CEP68: variants seen among roughly 807,000 people sequenced by gnomAD.
CEP68 encodes centrosomal protein 68, also known as centrosomal protein of 68 kDa.
In CEP68, 26 loss-of-function variants were observed where a neutral mutation model predicts 55.3. That is an observed-to-expected ratio of 0.47 (90% CI 0.34 to 0.65). CEP68 has a LOEUF of 0.65. Ranked by LOEUF, CEP68 falls within the 30% of genes least tolerant of loss-of-function variation. CEP68 has a pLI of 0.01. For synonymous variants in CEP68, 402 were observed against 383.2 expected (o/e 1.05, Z -0.57); for missense variants, 957 against 946.7 (o/e 1.01, Z -0.14).
intron 5 of CEP68, chr2:65,080,199 A>C: frequency 1.0e-6 from 1 of 976,266 alleles, no homozygotes; most frequent in Non-Finnish European, 1.2e-6. Context: ...CAATTTAATA[A>C]TACTTTTCTG....
chr2:65,082,736 T>C (rs748603868), intron 6 of CEP68, 27 bp downstream of exon 6: 12 of 1,513,966 alleles, frequency 7.9e-6, no homozygotes, highest in Non-Finnish European at 1.1e-5. Flanking sequence ...AAAAAGAAAA[T>C]TTGCCCACCA....
intron 5 of CEP68, among the ~76,000 whole-genome samples, chr2:65,081,090 A>C (rs773253174): frequency 7.2e-5 from 11 of 152,080 alleles, no homozygotes; most frequent in Middle Eastern, 3.4e-3. Flanking sequence ...GGGCGCCAGT[A>C]ATTCCAACTA....
At chr2:65,064,676 G>A (rs553375279) in intron 1 of CEP68, among the ~76,000 whole-genome samples, 5 of 151,152 alleles carry the variant, frequency 3.3e-5, no homozygotes, top group Middle Eastern at 3.2e-3. Context: ...GGAGCTTGCA[G>A]TGAGCTGAGA....
At position 65,084,309 on chromosome 2, in the gene CEP68, G is replaced by A. The variant is rs1162291232; in HGVS notation, c.*675G>A. 4 of 152,168 alleles carry A rather than the reference G, an allele frequency of 2.6e-5. No homozygotes were observed. The highest frequency in any genetic ancestry group is 6.5e-5 in the Admixed American group (1 of 15,274). 9.4% of individuals were successfully genotyped at this position (152,168 alleles called of 1,614,324 possible). A position where few individuals can be genotyped will look rare whatever the true frequency, so the allele number is the denominator to read the frequency against. On this transcript the variant is annotated 3_prime_UTR_variant, in exon 7 of 7. Transcript: ENST00000377990. ...CAGGGACTTGGGGATCTACAGTCAT[G>A]CTTTAGCATGGCTATGGAGCTAATT... is the stretch of plus-strand genomic sequence containing the variant.
chr2:65,062,315 C>T (rs778945399), intron 1 of CEP68, among the ~76,000 whole-genome samples: 3 of 152,192 alleles, frequency 2.0e-5, no homozygotes, highest in African/African-American at 7.2e-5. Context: ...AGGCAGGTCA[C>T]TTGAGGCCGG....
chr2:65,080,691 G>A (rs1279853287), intron 5 of CEP68: 6 of 291,702 alleles, frequency 2.1e-5, no homozygotes, highest in Non-Finnish European at 3.1e-5. Flanking sequence ...GGTGGCGGGC[G>A]CCTGTAATCC....
intron 5 of CEP68, chr2:65,080,247 C>T: frequency 1.0e-6 from 1 of 985,100 alleles, no homozygotes; most frequent in African/African-American, 1.7e-5. Flanking sequence ...AGGTTTTTTA[C>T]TGGCTTTGGG....
In CEP68 at chr2:65,082,715, T is replaced by C; in HGVS notation, c.*4+6T>C. ...ATGTGAAGGGGTTTAACCTGGTAAG[T>C]GGAGGAACTCAAAAAGAAAATTTGC... On this transcript the variant is annotated splice_donor_region_variant and intron_variant, in intron 6 of 6. Coordinates refer to ENST00000377990, the MANE Select transcript of CEP68 (RefSeq NM_015147.3). 6.5e-7 allele frequency: 1 copy of C among 1,538,076 alleles called. No homozygotes were observed.
At chr2:65,082,450 C>G (rs1668874445) in intron 5 of CEP68, 86 bp from the exon 6 acceptor site, 1 of 1,243,934 alleles carries the variant, frequency 8.0e-7, no homozygotes. Context: ...AATACTATAC[C>G]CTTGTATGTT....
intron 2 of CEP68, 135 bp from the exon 3 acceptor site, chr2:65,071,319 A>G (rs1558560955): frequency 1.1e-5 from 8 of 704,162 alleles, no homozygotes; most frequent in Non-Finnish European, 1.7e-5. Flanking sequence ...TTCTTGCCTC[A>G]GGCAGCAGAC....
At position 65,084,400 on chromosome 2, in the gene CEP68, G is replaced by A. The variant is rs187941081; in HGVS notation, c.*766G>A. On this transcript the variant is annotated 3_prime_UTR_variant, in exon 7 of 7. Transcript: ENST00000377990. Reference sequence around the variant, plus strand: ...ACTCCTAGTCTCCCTTGGAAGAGCAGTCCAGGCTCAGGGAAGGGAACGGAT... The same window carrying A: ...ACTCCTAGTCTCCCTTGGAAGAGCAATCCAGGCTCAGGGAAGGGAACGGAT... The A allele has an allele frequency of 6.6e-6, 1 of 152,254 alleles. No homozygotes were observed. The highest frequency in any genetic ancestry group is 1.5e-5 in the Non-Finnish European group (1 of 68,034). The allele number at this position is 152,254 out of a possible 1,614,324, so 9.4% of individuals were successfully genotyped here.
At chr2:65,073,175 A>C in intron 3 of CEP68, 195 bp downstream of exon 3, 2 of 712,064 alleles carry the variant, frequency 2.8e-6, no homozygotes, top group Non-Finnish European at 5.0e-6. Flanking sequence ...TTTTGGAGGA[A>C]AGAGCAGAGA....
At chr2:65,060,440 AGT>A (rs1393569206) in intron 1 of CEP68, among the ~76,000 whole-genome samples, 1 of 151,566 alleles carries the variant, frequency 6.6e-6, no homozygotes, top group African/African-American at 2.4e-5. Context: ...CTCACAAAAA[AGT>A]GTCAGGGCCG....
intron 1 of CEP68, among the ~76,000 whole-genome samples, chr2:65,066,741 A>AT (rs1258320911): frequency 2.3e-3 from 217 of 94,622 alleles, no homozygotes; most frequent in Non-Finnish European, 3.4e-3. Context: ...AAAAAAAAAA[A>AT]AAAAATATAT....
intron 4 of CEP68, among the ~76,000 whole-genome samples, chr2:65,077,452 A>T (rs534649666): frequency 1.2e-4 from 18 of 152,260 alleles, no homozygotes; most frequent in Middle Eastern, 6.8e-3. Context: ...TGGAGGGAGG[A>T]GCAGAGGTAG....
intron 1 of CEP68, among the ~76,000 whole-genome samples, chr2:65,066,742 AAAAATAT>A (rs1485358455): frequency 1.5e-3 from 150 of 98,604 alleles, no homozygotes; most frequent in African/African-American, 4.2e-3. Context: ...AAAAAAAAAA[AAAAATAT>A]ATATATATAT....
intron 1 of CEP68, among the ~76,000 whole-genome samples, chr2:65,067,085 AAAG>A (rs1185112965): frequency 6.6e-6 from 1 of 152,084 alleles, no homozygotes; most frequent in East Asian, 1.9e-4. Flanking sequence ...GTAAAAAAAA[AAAG>A]GGAGGGAAGG....
chr2:65,080,227 C>G lies in CEP68; in HGVS notation c.2104+2263C>G, dbSNP rs10519011. The G allele has an allele frequency of 8.7e-3, 8,579 of 984,638 alleles. 342 individuals are homozygous for G. The East Asian group carries it at 0.22, about 25-fold the overall frequency. 61.0% of individuals were successfully genotyped at this position (984,638 alleles called of 1,614,324 possible). On this transcript the variant is annotated intron_variant, in intron 5 of 6. Transcript: ENST00000377990. ...CTTTTCTGTGCTTAGTCCCACTTTG[C>G]TCTCTCAAGAGGTTTTTTACTGGCT...
rs774988713 is a variant in CEP68, at chr2:65,072,231, C to A, written c.1135C>A (p.Pro379Thr). The A allele has an allele frequency of 7.5e-5, 121 of 1,614,010 alleles. No individual in the cohort carries two copies. The highest frequency in any genetic ancestry group is 4.9e-4 in the Middle Eastern group (3 of 6,084). Residue 379 changes from proline to threonine, a missense_variant, in exon 3 of 7, where the codon CCC becomes ACC. Pro to Thr is a conservative substitution (Grantham distance 38, BLOSUM62 -1). Coordinates refer to ENST00000377990, the MANE Select transcript of CEP68 (RefSeq NM_015147.3). ...CAGAGAGCCAAGCCTTAAGCAGTGG[C>A]CCTCCAGAGTACCCCAGAAACAGGG... ...GPREPSLKQW[P>T]SRVPQKQGGM...
Sources: gnomAD v4.1 joint callset for allele counts (sites outside exome capture counted in the v4.1 genomes callset) on GRCh38, gnomAD v4.1.1 for gene constraint, MANE v1.5 for transcripts, NCBI Gene and HGNC (gene_info 2026-07-23, HGNC 2026-07-21) for gene names.